The following RBFOX1 variants were observed in gnomAD, a reference collection of about 807,000 sequenced individuals.
RBFOX1 encodes RNA binding protein fox-1 homolog 1.
RBFOX1 carries 8 observed loss-of-function variants against 57.7 expected under a neutral mutation model. The observed-to-expected ratio is 0.14, with a 90% CI of 0.08 to 0.25. The LOEUF (loss-of-function observed/expected upper bound fraction) is 0.25. RBFOX1 is among the 10% of genes least tolerant of loss of function. RBFOX1 has a pLI of 1.00. For synonymous variants in RBFOX1, 326 were observed against 222.4 expected, an observed-to-expected ratio of 1.47 and a Z score of -4.15; for missense variants, 611 against 548.5, an observed-to-expected ratio of 1.11 and a Z score of -1.14.
chr16:5,535,890 G>T (rs943561367), intron 2 of RBFOX1, among the ~76,000 whole-genome samples: 4 of 152,128 alleles, frequency 2.6e-5, no homozygotes, highest in Non-Finnish European at 5.9e-5. Context: ...GAAGAGGGGC[G>T]TACTGTAAGA....
chr16:6,487,144 C>CTGTGTG (rs60180975), intron 2 of RBFOX1, among the ~76,000 whole-genome samples: 8,885 of 140,136 alleles, frequency 0.063, 327 homozygotes, highest in African/African-American at 0.097. Context: ...TGTGGGGTTT[C>CTGTGTG]TGTGTGTGTG....
intron 1 of RBFOX1, among the ~76,000 whole-genome samples, chr16:5,369,693 T>A (rs2065811375): frequency 2.0e-5 from 3 of 152,200 alleles, no homozygotes; most frequent in African/African-American, 7.2e-5. Flanking sequence ...CACACCTGCT[T>A]TCAGAGGTGG....
chr16:5,259,449 G>A (rs996714845), intron 1 of RBFOX1, among the ~76,000 whole-genome samples: 2 of 152,072 alleles, frequency 1.3e-5, no homozygotes, highest in Non-Finnish European at 2.9e-5. Context: ...CTTCAAGCTG[G>A]GCTCTTTGAC....
At chr16:6,934,734 C>T (rs1374898766) in intron 3 of RBFOX1, among the ~76,000 whole-genome samples, 1 of 151,930 alleles carries the variant, frequency 6.6e-6, no homozygotes, top group Non-Finnish European at 1.5e-5. Context: ...CTGTGAGGCC[C>T]TTTGCTTAGT....
At chr16:6,910,886 C>G (rs1231286800) in intron 3 of RBFOX1, among the ~76,000 whole-genome samples, 1 of 152,108 alleles carries the variant, frequency 6.6e-6, no homozygotes, top group Non-Finnish European at 1.5e-5. Flanking sequence ...CCTTTGCCTT[C>G]CTTGCTAATC....
At chr16:7,509,569 T>C (rs775320452) in intron 4 of RBFOX1, among the ~76,000 whole-genome samples, 3 of 152,210 alleles carry the variant, frequency 2.0e-5, no homozygotes, top group Non-Finnish European at 4.4e-5. Flanking sequence ...ATAACTTGTC[T>C]AAGATTACAC....
chr16:6,293,147 T>TTTTCATAGTACCCTA (rs1405620187), intron 1 of RBFOX1, among the ~76,000 whole-genome samples: 1 of 152,200 alleles, frequency 6.6e-6, no homozygotes, highest in Non-Finnish European at 1.5e-5. Flanking sequence ...GAATCTTTCA[T>TTTTCATAGTACCCTA]TTTCATAGTA....
intron 4 of RBFOX1, among the ~76,000 whole-genome samples, chr16:7,475,547 C>T (rs1178098200): frequency 6.6e-6 from 1 of 152,072 alleles, no homozygotes; most frequent in African/African-American, 2.4e-5. Context: ...ATCTCCTGAC[C>T]TCGTGATCAC....
intron 2 of RBFOX1, among the ~76,000 whole-genome samples, chr16:6,447,980 C>G (rs1258608872): frequency 1.7e-4 from 5 of 28,668 alleles, no homozygotes; most frequent in Non-Finnish European, 2.6e-4. Flanking sequence ...AGACAAGAGT[C>G]TCTCTCTCTC....
At chr16:6,740,111 G>C (rs2071604014) in intron 3 of RBFOX1, among the ~76,000 whole-genome samples, 1 of 152,164 alleles carries the variant, frequency 6.6e-6, no homozygotes, top group African/African-American at 2.4e-5. Flanking sequence ...TACTAATTCA[G>C]TATTTGAAAA....
intron 3 of RBFOX1, among the ~76,000 whole-genome samples, chr16:5,650,695 C>G (rs1196682280): frequency 6.6e-6 from 1 of 151,452 alleles, no homozygotes; most frequent in African/African-American, 2.5e-5. Flanking sequence ...AGGAGCCTAC[C>G]TTCCTCTCTC....
intron 3 of RBFOX1, among the ~76,000 whole-genome samples, chr16:5,642,742 T>A (rs912252280): frequency 2.6e-5 from 4 of 152,068 alleles, no homozygotes; most frequent in African/African-American, 9.7e-5. Context: ...GGGAGGGGCC[T>A]CTCTTCCTTG....
intron 4 of RBFOX1, among the ~76,000 whole-genome samples, chr16:7,243,733 G>A (rs541255418): frequency 6.6e-6 from 1 of 152,128 alleles, no homozygotes; most frequent in South Asian, 2.1e-4. Context: ...TCTTTTTGGT[G>A]GAGACAGGGT....
chr16:5,530,165 G>A (rs565350565), intron 2 of RBFOX1, among the ~76,000 whole-genome samples: 102 of 152,246 alleles, frequency 6.7e-4, no homozygotes, highest in African/African-American at 2.4e-3. Flanking sequence ...TGAGAGCTCT[G>A]ATTCTTGAGC....
chr16:7,429,662 T>A (rs2098659298), intron 4 of RBFOX1, among the ~76,000 whole-genome samples: 1 of 152,198 alleles, frequency 6.6e-6, no homozygotes, highest in Non-Finnish European at 1.5e-5. Flanking sequence ...AACTGCCATA[T>A]AACCATCATG....
intron 1 of RBFOX1, among the ~76,000 whole-genome samples, chr16:6,138,681 C>G (rs1025010276): frequency 3.3e-5 from 5 of 152,262 alleles, no homozygotes; most frequent in African/African-American, 1.2e-4. Flanking sequence ...TCCTGGCTAA[C>G]ATGGTGAAAC....
chr16:5,355,524 G>A lies in RBFOX1; in HGVS notation c.220-111692G>A, dbSNP rs561334898. On this transcript the variant is annotated intron_variant, in intron 1 of 2. Coordinates refer to the RBFOX1 transcript ENST00000585867. ...GTCAGCTGAAGCTGGGTTTAAAAAT[G>A]GAGACTGGTCAGCTTCAAAGAGAGG... Among the ~76,000 whole-genome samples the A allele has an allele frequency of 9.9e-5, 15 of 152,272 alleles. No individual in the cohort carries two copies. The South Asian group carries it at 3.1e-3, about 32-fold the overall frequency.
intron 2 of RBFOX1, among the ~76,000 whole-genome samples, chr16:6,576,283 C>T (rs1410578157): frequency 6.6e-6 from 1 of 152,188 alleles, no homozygotes; most frequent in African/African-American, 2.4e-5. Flanking sequence ...CACACACACT[C>T]ACTCATGCTG....
intron 1 of RBFOX1, among the ~76,000 whole-genome samples, chr16:6,059,847 G>C (rs7204228): frequency 0.11 from 17,208 of 152,082 alleles, 1,067 homozygotes; most frequent in African/African-American, 0.14. Context: ...CATGATTCCA[G>C]GAATAGAAAA....
Sources: gnomAD v4.1 joint callset for allele counts (sites outside exome capture counted in the v4.1 genomes callset) on GRCh38, gnomAD v4.1.1 for gene constraint, MANE v1.5 for transcripts, NCBI Gene and HGNC (gene_info 2026-07-23, HGNC 2026-07-21) for gene names.